CYRIB: variants seen among roughly 807,000 people sequenced by gnomAD.
CYRIB encodes the protein CYFIP related Rac1 interactor B.
CYRIB carries 8 observed loss-of-function variants against 44.2 expected under a neutral mutation model. The ratio of observed to expected loss-of-function variants is 0.18; its 90% CI spans 0.11 to 0.33. The LOEUF (loss-of-function observed/expected upper bound fraction) is 0.33. CYRIB is among the 10% of genes least tolerant of loss of function. The pLI is 1.00. For synonymous variants in CYRIB, 131 were observed against 127.2 expected, an observed-to-expected ratio of 1.03 and a Z score of -0.20; for missense variants, 185 against 382.8, an observed-to-expected ratio of 0.48 and a Z score of 4.31.
intron 10 of CYRIB, among the ~76,000 whole-genome samples, chr8:129,848,986 A>G (rs753271085): frequency 6.6e-6 from 1 of 152,228 alleles, no homozygotes; most frequent in Non-Finnish European, 1.5e-5. Flanking sequence ...ATCTATTTAT[A>G]TTGCCAAATA....
exon 12 of CYRIB, chr8:129,840,734 G>T (rs1418128002): frequency 2.6e-5 from 4 of 152,324 alleles, no homozygotes; most frequent in African/African-American, 4.8e-5. Flanking sequence ...GGAACAATTT[G>T]TGAACAGCAA....
chr8:129,929,794 C>A (rs1160483545), intron 1 of CYRIB, among the ~76,000 whole-genome samples: 3 of 152,144 alleles, frequency 2.0e-5, no homozygotes, highest in Non-Finnish European at 4.4e-5. Context: ...ACTTTATGTG[C>A]AATGTAACCT....
chr8:129,949,873 A>AAAT lies in CYRIB; in HGVS notation c.-243+21067_-243+21069dup, dbSNP rs1225633752. On this transcript the variant is annotated intron_variant, in intron 2 of 14. Transcript: ENST00000401979. ...AAGAGCGAAACTCCATCTTAAAAAAAAATAATAATAATAATACACTACTCA... is the reference window on the plus strand; with the variant it reads ...AAGAGCGAAACTCCATCTTAAAAAAAAATAATAATAATAATAATACACTACTCA... Among the ~76,000 whole-genome samples the AAAT allele has an allele frequency of 4.6e-5, 7 of 152,186 alleles. No individual in the cohort carries two copies. In the East Asian group the frequency reaches 5.8e-4, roughly 13 times the overall value.
chr8:129,951,587 T>C (rs1008071048), intron 2 of CYRIB, among the ~76,000 whole-genome samples: 1 of 151,534 alleles, frequency 6.6e-6, no homozygotes, highest in Non-Finnish European at 1.5e-5. Flanking sequence ...GTGCCTGTAA[T>C]CCCAGCTACT....
intron 1 of CYRIB, among the ~76,000 whole-genome samples, chr8:130,002,359 G>A (rs992859336): frequency 7.3e-5 from 11 of 151,660 alleles, no homozygotes; most frequent in South Asian, 2.1e-4. Context: ...TGCTCGGGAC[G>A]CTGAGGCAGG....
chr8:129,959,001 T>C (rs971626011), intron 2 of CYRIB, among the ~76,000 whole-genome samples: 1 of 141,894 alleles, frequency 7.0e-6, no homozygotes, highest in African/African-American at 2.7e-5. Flanking sequence ...GAGGCAGAGA[T>C]TGCAGTGAGC....
At chr8:129,957,425 C>T (rs1246732207) in intron 2 of CYRIB, among the ~76,000 whole-genome samples, 1 of 152,198 alleles carries the variant, frequency 6.6e-6, no homozygotes, top group Non-Finnish European at 1.5e-5. Flanking sequence ...ATAGTTAAAT[C>T]AGTTATCATC....
chr8:129,855,081 AG>A (rs1328410324), intron 6 of CYRIB, among the ~76,000 whole-genome samples: 1 of 152,220 alleles, frequency 6.6e-6, no homozygotes, highest in African/African-American at 2.4e-5. Flanking sequence ...TGAGCAGAAA[AG>A]AAAAAGTATT....
intron 1 of CYRIB, among the ~76,000 whole-genome samples, chr8:129,973,095 A>G (rs992577898): frequency 6.6e-6 from 1 of 152,190 alleles, no homozygotes; most frequent in Non-Finnish European, 1.5e-5. Context: ...CATGAATTAA[A>G]CCGTCCCAGC....
chr8:130,005,678 C>G (rs887677806), intron 1 of CYRIB, among the ~76,000 whole-genome samples: 1 of 152,146 alleles, frequency 6.6e-6, no homozygotes, highest in Non-Finnish European at 1.5e-5. Context: ...CTTCCTCTTT[C>G]ACAGCTCCAT....
intron 2 of CYRIB, among the ~76,000 whole-genome samples, chr8:129,896,308 G>T (rs1052150326): frequency 1.3e-5 from 2 of 152,182 alleles, no homozygotes; most frequent in African/African-American, 4.8e-5. Context: ...TAATAAATTA[G>T]GGACTAAGTT....
intron 2 of CYRIB, among the ~76,000 whole-genome samples, chr8:129,896,326 T>C (rs1466482334): frequency 6.6e-6 from 1 of 152,246 alleles, no homozygotes; most frequent in East Asian, 1.9e-4. Flanking sequence ...GTTTATGGAA[T>C]AATCCCTTAG....
rs138903587 is a variant in CYRIB, at chr8:129,848,331, A to C, written c.840+912T>G. On this transcript the variant is annotated intron_variant, in intron 10 of 11. Transcript: ENST00000519824. Reference sequence around the variant, plus strand: ...TCAGTAATCGAGATCCGAAATGCTAAGAGCCTAAACTAGCTATGAAAGGGA... The same window carrying C: ...TCAGTAATCGAGATCCGAAATGCTACGAGCCTAAACTAGCTATGAAAGGGA... Among the ~76,000 whole-genome samples, 71 of 152,350 alleles carry C rather than the reference A, an allele frequency of 4.7e-4. No individual in the cohort carries two copies. In the South Asian group the frequency reaches 0.01, roughly 22 times the overall value.
chr8:129,978,643 A>G (rs2096066915), intron 1 of CYRIB, among the ~76,000 whole-genome samples: 2 of 152,158 alleles, frequency 1.3e-5, no homozygotes, highest in Admixed American at 1.3e-4. Context: ...GTTCTCTACC[A>G]CTCCATCAAT....
chr8:129,858,573 A>C (rs2047455525), intron 5 of CYRIB, among the ~76,000 whole-genome samples: 1 of 152,166 alleles, frequency 6.6e-6, no homozygotes, highest in Non-Finnish European at 1.5e-5. Flanking sequence ...CTACTCTCAA[A>C]CTCTCAGAAG....
At chr8:129,914,147 C>CT (rs1463143036) in intron 1 of CYRIB, among the ~76,000 whole-genome samples, 6 of 151,588 alleles carry the variant, frequency 4.0e-5, no homozygotes, top group South Asian at 4.2e-4. Context: ...CCATGAGATA[C>CT]TTTTTTTTTA....
chr8:129,935,893 A>AG (rs1381785724), intron 1 of CYRIB, among the ~76,000 whole-genome samples: 1 of 152,222 alleles, frequency 6.6e-6, no homozygotes, highest in East Asian at 1.9e-4. Flanking sequence ...CGAGATGTGA[A>AG]GGTGTGTTGC....
At chr8:130,009,479 G>T (rs1169583515) in intron 1 of CYRIB, among the ~76,000 whole-genome samples, 3 of 152,056 alleles carry the variant, frequency 2.0e-5, no homozygotes, top group Non-Finnish European at 4.4e-5. Flanking sequence ...TGTTGGCCAG[G>T]CTGGTCTTGA....
At chr8:129,945,592 G>A (rs180877599) in intron 2 of CYRIB, among the ~76,000 whole-genome samples, 1 of 152,148 alleles carries the variant, frequency 6.6e-6, no homozygotes, top group Non-Finnish European at 1.5e-5. Context: ...ATTTGAGACA[G>A]AGTCTTGCTC....
Sources: allele counts gnomAD v4.1 joint callset (sites outside exome capture counted in the v4.1 genomes callset), GRCh38; gene constraint gnomAD v4.1.1; transcripts MANE v1.5; gene names NCBI Gene and HGNC (gene_info 2026-07-23, HGNC 2026-07-21).